The following PTGS1 variants were observed in gnomAD, a reference collection of about 807,000 sequenced individuals.
PTGS1 encodes prostaglandin G/H synthase 1.
PTGS1 carries 40 observed loss-of-function variants against 63.0 expected under a neutral mutation model. That is an observed-to-expected ratio of 0.63 (90% CI 0.49 to 0.83). PTGS1 has a LOEUF of 0.83. PTGS1 is among the 40% of genes least tolerant of loss of function. PTGS1 has a pLI of 0.00. For synonymous variants in PTGS1, 298 were observed against 301.9 expected (o/e 0.99, Z 0.13); for missense variants, 709 against 786.5 (o/e 0.90, Z 1.18).
At position 122,377,908 on chromosome 9, in the gene PTGS1, G is replaced by T; in HGVS notation, c.104G>T (p.Cys35Phe). 6.2e-7 allele frequency: 1 copy of T among 1,614,050 alleles called. No homozygotes were observed. The highest frequency in any genetic ancestry group is 8.5e-7 in the Non-Finnish European group (1 of 1,179,982). Residue 35 changes from cysteine (C) to phenylalanine (F), a missense_variant, in exon 3 of 11, where the codon TGT (cysteine) becomes TTT (phenylalanine). Coordinates refer to ENST00000362012, the MANE Select transcript of PTGS1 (RefSeq NM_000962.4). ...DPGAPTPVNP[C>F]CYYPCQHQGI... ...CATTTCTCACCCACAGTGAATCCCT[G>T]TTGTTACTATCCATGCCAGCACCAG...
chr9:122,390,430 CA>C (rs1424004865), intron 10 of PTGS1, 85 bp downstream of exon 10: 24 of 1,446,944 alleles, frequency 1.7e-5, no homozygotes, highest in Non-Finnish European at 2.1e-5. Context: ...TAGAACGGGA[CA>C]ATACATGCGG....
intron 9 of PTGS1, among the ~76,000 whole-genome samples, chr9:122,388,104 G>A (rs1205872886): frequency 7.2e-5 from 11 of 152,256 alleles, no homozygotes; most frequent in East Asian, 1.9e-4. Flanking sequence ...TTTTCAGAAC[G>A]TTTTCAAGGA....
chr9:122,371,732 A>C (rs1836822483), intron 2 of PTGS1: 1 of 1,518,012 alleles, frequency 6.6e-7, no homozygotes, highest in African/African-American at 1.4e-5. Context: ...CCCCTGGTGA[A>C]GACTTCGGGA....
At chr9:122,374,853 G>T (rs926245855) in intron 2 of PTGS1, among the ~76,000 whole-genome samples, 3 of 152,188 alleles carry the variant, frequency 2.0e-5, no homozygotes, top group East Asian at 1.9e-4. Flanking sequence ...CCAGGAGTAG[G>T]AGGAGGAGGG....
At chr9:122,385,445 C>G (rs573699156) in intron 8 of PTGS1, among the ~76,000 whole-genome samples, 1 of 151,272 alleles carries the variant, frequency 6.6e-6, no homozygotes, top group South Asian at 2.1e-4. Context: ...GCTAATTGGC[C>G]TGCATATCAG....
rs867549599 is a variant in PTGS1, at chr9:122,378,574, G to A, written c.352+1G>A. ...ATGCTCATGCGCCTGGTACTCACAG[G>A]TGGGTGTGGGGCAGGGCCCCCTGAC... On this transcript the variant is annotated splice_donor_variant, in intron 4 of 10. Coordinates refer to ENST00000362012, the MANE Select transcript of PTGS1 (RefSeq NM_000962.4). LOFTEE classifies it high-confidence loss of function. 6.2e-7 allele frequency: 1 copy of A among 1,614,234 alleles called. No homozygotes were observed. The highest frequency in any genetic ancestry group is 1.3e-5 in the African/African-American group (1 of 75,066).
chr9:122,378,012 A>G lies in PTGS1; in HGVS notation c.208A>G (p.Ile70Val). 1.2e-6 allele frequency: 2 copies of G among 1,612,170 alleles called. No homozygotes were observed. The highest frequency in any genetic ancestry group is 1.1e-5 in the South Asian group (1 of 91,078). The change falls in exon 3 of 11, where the codon ATC becomes GTC. Residue 70 changes from isoleucine (I) to valine (V), a missense_variant. By Grantham distance (29) the Ile-to-Val change is conservative. Transcript: ENST00000362012. ...RTGYSGPNCT[I>V]PGLWTWLRNS... ...GGGCTATTCCGGCCCCAACTGCACC[A>G]TCCGTGAGCTGGGCCTTCAGCCCTC...
At chr9:122,389,292 T>A (rs28538113) in intron 9 of PTGS1, among the ~76,000 whole-genome samples, 11,711 of 151,742 alleles carry the variant, frequency 0.077, 1,394 homozygotes, top group African/African-American at 0.26. Flanking sequence ...CTGGGATTAC[T>A]GGCACCTGCC....
intron 7 of PTGS1, among the ~76,000 whole-genome samples, chr9:122,383,307 G>A (rs146727395): frequency 1.5e-4 from 23 of 151,636 alleles, no homozygotes; most frequent in African/African-American, 5.6e-4. Flanking sequence ...AGGAGTCAGA[G>A]TGGAAGATGA....
At position 122,395,641 on chromosome 9, in the gene PTGS1, T is replaced by A. The variant is rs913560986; in HGVS notation, c.*3097T>A. ...AGCCTGCTAGTCTGCCCTATGGATT[T>A]GAAGTTTGCCAACCCCAACAATTGT... On this transcript the variant is annotated 3_prime_UTR_variant, in exon 11 of 11. Coordinates refer to ENST00000362012, the MANE Select transcript of PTGS1 (RefSeq NM_000962.4). 1 of 152,192 alleles carries A rather than the reference T, an allele frequency of 6.6e-6. No individual in the cohort carries two copies. The highest frequency in any genetic ancestry group is 6.5e-5 in the Admixed American group (1 of 15,278). The allele number at this position is 152,192 out of a possible 1,614,324, so 9.4% of individuals were successfully genotyped here. A position where few individuals can be genotyped will look rare whatever the true frequency, so the allele number is the denominator to read the frequency against.
rs566847283 is a variant in PTGS1 at position 122,381,280 on chromosome 9, C to A, written c.497-91C>A. ...TGAGGAGGCCACTCTGGGCTTCCTG[C>A]TTGGGCCAGTTTGCCTGGTGAGCCC... On this transcript the variant is annotated intron_variant, in intron 5 of 10. Transcript: ENST00000362012. The A allele has an allele frequency of 5.7e-4, 804 of 1,411,820 alleles. 1 individual carries two copies. The highest frequency in any genetic ancestry group is 9.2e-4 in the Admixed American group (41 of 44,552). 87.5% of individuals were successfully genotyped at this position (1,411,820 alleles called of 1,614,324 possible).
At chr9:122,379,244 G>C (rs539647619) in intron 5 of PTGS1, among the ~76,000 whole-genome samples, 1 of 152,238 alleles carries the variant, frequency 6.6e-6, no homozygotes, top group African/African-American at 2.4e-5. Context: ...TATTTATTGG[G>C]TGCTGTCTCT....
At chr9:122,386,843 G>A in intron 9 of PTGS1, 111 bp downstream of exon 9, 1 of 1,308,428 alleles carries the variant, frequency 7.6e-7, no homozygotes, top group South Asian at 1.4e-5. Flanking sequence ...CACTTCTACA[G>A]GGCAGTTGTA....
At chr9:122,373,137 C>T (rs1211843848) in intron 2 of PTGS1, among the ~76,000 whole-genome samples, 2 of 152,146 alleles carry the variant, frequency 1.3e-5, no homozygotes, top group East Asian at 3.9e-4. Flanking sequence ...CACTAAGAGA[C>T]TCGACCAGGA....
At position 122,384,271 on chromosome 9, in the gene PTGS1, G is replaced by A. The variant is rs149401489; in HGVS notation, c.1009+516G>A. Among the ~76,000 whole-genome samples the A allele has an allele frequency of 4.2e-3, 645 of 152,252 alleles. 6 individuals carry two copies. The highest frequency in any genetic ancestry group is 0.027 in the Middle Eastern group (8 of 294). On this transcript the variant is annotated intron_variant, in intron 8 of 10. Coordinates refer to ENST00000362012, the MANE Select transcript of PTGS1 (RefSeq NM_000962.4). ...TTGTGTTCCCTATGGGGGCGAGTCT[G>A]CAACCTAAAATGTCAGATGGTTTCC... is the stretch of plus-strand genomic sequence containing the variant.
At position 122,378,449 on chromosome 9, in the gene PTGS1, G is replaced by A; in HGVS notation, c.228G>A (p.Trp76Ter). The change falls in exon 4 of 11, where the codon TGG becomes TGA. Residue 76 changes from tryptophan (W) to a stop codon, truncating the protein, a stop_gained. Coordinates refer to ENST00000362012, the MANE Select transcript of PTGS1 (RefSeq NM_000962.4). LOFTEE classifies it high-confidence loss of function. ...CCCCTGCAGCTGGCCTGTGGACCTG[G>A]CTCCGGAATTCACTGCGGCCCAGCC... ...PNCTIPGLWT[W>*]LRNSLRPSPS... 6.2e-7 allele frequency: 1 copy of A among 1,613,964 alleles called. No individual in the cohort carries two copies. The highest frequency in any genetic ancestry group is 8.5e-7 in the Non-Finnish European group (1 of 1,180,038).
chr9:122,371,039 C>G lies in PTGS1; in HGVS notation c.-46C>G. 1 of 1,568,682 alleles carries G rather than the reference C, an allele frequency of 6.4e-7. No individual in the cohort carries two copies. The highest frequency in any genetic ancestry group is 8.6e-7 in the Non-Finnish European group (1 of 1,165,202). On this transcript the variant is annotated 5_prime_UTR_variant, in exon 1 of 11. Transcript: ENST00000362012. The stretch of plus-strand genomic sequence containing the variant: ...AGCTCCGGGCAGTGTGCGAGGCGCA[C>G]GCACAGGAGCCTGCACTCTGCGTCC...
intron 2 of PTGS1, among the ~76,000 whole-genome samples, chr9:122,372,326 T>G (rs1250050370): frequency 1.3e-5 from 2 of 152,084 alleles, no homozygotes; most frequent in African/African-American, 4.8e-5. Flanking sequence ...TGGGTGGCAT[T>G]TAGGGGACCC....
intron 9 of PTGS1, among the ~76,000 whole-genome samples, chr9:122,389,147 C>CTTT (rs1838049532): frequency 9.0e-6 from 1 of 110,942 alleles, no homozygotes; most frequent in African/African-American, 3.0e-5. Context: ...TCTTTTCTTT[C>CTTT]CTTTTTTTTT....
Sources: gnomAD v4.1 joint callset for allele counts (sites outside exome capture counted in the v4.1 genomes callset) on GRCh38, gnomAD v4.1.1 for gene constraint, MANE v1.5 for transcripts, NCBI Gene and HGNC (gene_info 2026-07-23, HGNC 2026-07-21) for gene names.